MFSD11: variants seen among roughly 807,000 people sequenced by gnomAD.
MFSD11 encodes major facilitator superfamily domain containing 11.
MFSD11 carries 36 observed loss-of-function variants against 53.5 expected under a neutral mutation model. The observed-to-expected ratio is 0.67, with a 90% CI of 0.52 to 0.89. MFSD11 has a LOEUF of 0.89. Ranked by LOEUF, MFSD11 falls within the 40% of genes least tolerant of loss-of-function variation. The pLI is 0.00. For synonymous variants in MFSD11, 186 were observed against 184.9 expected, an observed-to-expected ratio of 1.01 and a Z score of -0.05; for missense variants, 530 against 543.9, an observed-to-expected ratio of 0.97 and a Z score of 0.25.
At chr17:76,785,283 G>A (rs2082259892), downstream of MFSD11, among the ~76,000 whole-genome samples, 1 of 152,154 alleles carries the variant, frequency 6.6e-6, no homozygotes, top group Non-Finnish European at 1.5e-5. Flanking sequence ...CATGGAGTCA[G>A]ATGTAGAATG....
chr17:76,802,651 G>A, the MFSD11 span, among the ~76,000 whole-genome samples: 1 of 152,126 alleles, frequency 6.6e-6, no homozygotes, highest in Admixed American at 6.6e-5. Context: ...GGCCGAGGCA[G>A]GCAAATCACT....
At chr17:76,753,189 A>G (rs1380679557) in intron 7 of MFSD11, among the ~76,000 whole-genome samples, 2 of 152,150 alleles carry the variant, frequency 1.3e-5, no homozygotes, top group Non-Finnish European at 2.9e-5. Flanking sequence ...TCGATACCCA[A>G]ACAGTCATAG....
chr17:76,785,811 T>C (rs557678230), downstream of MFSD11, among the ~76,000 whole-genome samples: 1 of 152,038 alleles, frequency 6.6e-6, no homozygotes, highest in Non-Finnish European at 1.5e-5. Context: ...CTAGGCATGG[T>C]GGCTCATGCC....
At chr17:76,750,364 ATT>A (rs1256470874) in intron 7 of MFSD11, among the ~76,000 whole-genome samples, 233 of 123,624 alleles carry the variant, frequency 1.9e-3, no homozygotes, top group South Asian at 0.013. Flanking sequence ...TGTGTTAGTA[ATT>A]TTTTTTTTTT....
chr17:76,794,032 C>A, the MFSD11 span, among the ~76,000 whole-genome samples: 1 of 151,370 alleles, frequency 6.6e-6, no homozygotes, highest in South Asian at 2.1e-4. Context: ...AATGCAGCAG[C>A]CTTGCTGACA....
chr17:76,768,222 T>C (rs1209194938), intron 9 of MFSD11, among the ~76,000 whole-genome samples: 1 of 150,350 alleles, frequency 6.7e-6, no homozygotes, highest in Non-Finnish European at 1.5e-5. Context: ...GAGAATCACC[T>C]GAGCTCAGTA....
chr17:76,772,584 C>T (rs1398583221), intron 10 of MFSD11, among the ~76,000 whole-genome samples: 1 of 140,790 alleles, frequency 7.1e-6, no homozygotes, highest in Non-Finnish European at 1.5e-5. Context: ...GTGGCTCGAT[C>T]TTGGCTCACT....
At chr17:76,785,247 T>C (rs2082258957), downstream of MFSD11, among the ~76,000 whole-genome samples, 1 of 152,224 alleles carries the variant, frequency 6.6e-6, no homozygotes, top group Non-Finnish European at 1.5e-5. Flanking sequence ...TCATTTATTA[T>C]ATGAAGTACC....
the MFSD11 span, among the ~76,000 whole-genome samples, chr17:76,790,276 A>T: frequency 7.3e-4 from 107 of 147,242 alleles, 6 homozygotes; most frequent in African/African-American, 2.5e-3. Flanking sequence ...CATGTTGGCC[A>T]GTCTGGTCTC....
chr17:76,776,264 C>A lies in MFSD11; in HGVS notation c.1050-142C>A. On this transcript the variant is annotated intron_variant, in intron 11 of 12. Transcript: ENST00000685175. This position sits in a 1 kb window ranked among gnomAD's most constrained non-coding sequence, Gnocchi z 4.2. ...AAAGTGCTGGGATTCCAGGTGTGAGCCACCGCACCAGCTTTGTCTTTATTT... is the reference window on the plus strand; with the variant it reads ...AAAGTGCTGGGATTCCAGGTGTGAGACACCGCACCAGCTTTGTCTTTATTT... 2.5e-6 allele frequency: 2 copies of A among 813,576 alleles called. No homozygotes were observed. The highest frequency in any genetic ancestry group is 1.9e-6 in the Non-Finnish European group (1 of 540,072). The allele number at this position is 813,576 out of a possible 1,614,324, so 50.4% of individuals were successfully genotyped here.
At chr17:76,798,306 G>A in the MFSD11 span, among the ~76,000 whole-genome samples, 1 of 152,200 alleles carries the variant, frequency 6.6e-6, no homozygotes, top group South Asian at 2.1e-4. Context: ...TCTATGCCCC[G>A]TCCAGGGATG....
chr17:76,744,168 C>T (rs2078341276), intron 6 of MFSD11, among the ~76,000 whole-genome samples, 154 bp from the exon 7 acceptor site: 1 of 152,132 alleles, frequency 6.6e-6, no homozygotes, highest in South Asian at 2.1e-4. Flanking sequence ...GTGAAGGTAT[C>T]CTATTTGTCT....
downstream of MFSD11, among the ~76,000 whole-genome samples, chr17:76,783,494 C>G (rs1598820478): frequency 6.6e-6 from 1 of 152,152 alleles, no homozygotes; most frequent in East Asian, 1.9e-4. Flanking sequence ...CACAGGATTT[C>G]TTTCCTCTAG....
At chr17:76,786,431 C>A (rs7220712), downstream of MFSD11, among the ~76,000 whole-genome samples, 31,335 of 152,070 alleles carry the variant, frequency 0.21, 3,559 homozygotes, top group Admixed American at 0.27. Context: ...CATAAGCCAC[C>A]ACACCTGGCT....
rs774768608 is a variant in MFSD11 at position 76,754,145 on chromosome 17, C to T, written c.682+58C>T. ...TGTTCAGGAACAACTCGGCATTTGC[C>T]TTTCCCCTATTCCCTGGTAACTTTG... On this transcript the variant is annotated intron_variant, in intron 8 of 12. Coordinates refer to ENST00000685175, the MANE Select transcript of MFSD11 (RefSeq NM_001242532.5). 1,001 of 1,432,108 alleles carry T rather than the reference C, an allele frequency of 7.0e-4. 4 individuals carry two copies. The highest frequency in any genetic ancestry group is 5.4e-4 in the Admixed American group (31 of 57,934). The allele number at this position is 1,432,108 out of a possible 1,614,324, so 88.7% of individuals were successfully genotyped here. A position where few individuals can be genotyped will look rare whatever the true frequency, so the allele number is the denominator to read the frequency against.
chr17:76,738,430 A>G lies in MFSD11; in HGVS notation c.78A>G (p.Gln26=). 6.2e-7 allele frequency: 1 copy of G among 1,613,750 alleles called. No homozygotes were observed. Among genetic ancestry groups the G allele is most frequent in the South Asian group, 1.1e-5 (1 of 91,072 alleles). The part of the protein sequence containing the change: ...VAFMFMFTAF[Q]TCGNVAQTVI... ...TTATGTTTATGTTCACTGCCTTTCA[A>G]ACTTGTGGAAATGTGGCGGTGAGTT... The change falls in exon 1 of 13, where the codon CAA becomes CAG. Residue 26 remains glutamine (Q), a synonymous_variant. Transcript: ENST00000685175.
the MFSD11 span, among the ~76,000 whole-genome samples, chr17:76,802,387 T>G: frequency 1.3e-5 from 2 of 152,216 alleles, no homozygotes; most frequent in Non-Finnish European, 2.9e-5. Context: ...AAATGGTACA[T>G]CTATTTTGGA....
At position 76,771,139 on chromosome 17, in the gene MFSD11, C is replaced by G. The variant is rs564266538; in HGVS notation, c.874+1268C>G. On this transcript the variant is annotated intron_variant, in intron 10 of 12. Transcript: ENST00000685175. ...TGAAAGGGGCCTGGAAGTTCTAGCC[C>G]TCAGGGCTTGGTCTTTCTGGGAACC... 3.9e-5 allele frequency among the ~76,000 whole-genome samples: 6 copies of G among 152,340 alleles called. No homozygotes were observed. In the South Asian group the frequency reaches 8.3e-4, roughly 21 times the overall value.
Position 76,738,263 on chromosome 17 carries a change from A to T in MFSD11, c.-90A>T. 1 of 820,096 alleles carries T rather than the reference A, an allele frequency of 1.2e-6. No individual in the cohort carries two copies. The allele number at this position is 820,096 out of a possible 1,614,324, so 50.8% of individuals were successfully genotyped here. A position where few individuals can be genotyped will look rare whatever the true frequency, so the allele number is the denominator to read the frequency against. On this transcript the variant is annotated 5_prime_UTR_variant, in exon 1 of 13. Transcript: ENST00000685175. The stretch of plus-strand genomic sequence containing the variant: ...CCTGCATCTGCCTTCTCCACTCACC[A>T]TCTCATTTCTTTCTCCAGGATTGTC...
Sources: gnomAD v4.1 joint callset for allele counts (sites outside exome capture counted in the v4.1 genomes callset) on GRCh38, gnomAD v4.1.1 for gene constraint, Gnocchi (gnomAD v3.1) non-coding constraint, MANE v1.5 for transcripts, NCBI Gene and HGNC (gene_info 2026-07-23, HGNC 2026-07-21) for gene names.